The following ZNF148 variants were observed in gnomAD, a reference collection of about 807,000 sequenced individuals.
The protein encoded by ZNF148 is zinc finger protein 148.
ZNF148 carries 7 observed loss-of-function variants against 67.7 expected under a neutral mutation model. The observed-to-expected ratio is 0.10, with a 90% confidence interval of 0.06 to 0.19. ZNF148 has a LOEUF of 0.19. Among genes scored for constraint, ZNF148 ranks in the 10% least tolerant of loss-of-function variants. The pLI is 1.00. For synonymous variants in ZNF148, 333 were observed against 330.7 expected (o/e 1.01, Z -0.08); for missense variants, 583 against 947.1 (o/e 0.62, Z 5.05).
intron 7 of ZNF148, among the ~76,000 whole-genome samples, chr3:125,276,694 A>G (rs1010198875): frequency 3.3e-5 from 5 of 152,238 alleles, no homozygotes; most frequent in South Asian, 2.1e-4. Flanking sequence ...TCAGCCTCCC[A>G]AAGTGCTGAG....
chr3:125,239,882 CCA>C (rs1452751562), intron 7 of ZNF148, among the ~76,000 whole-genome samples: 3 of 152,088 alleles, frequency 2.0e-5, no homozygotes, highest in Non-Finnish European at 4.4e-5. Flanking sequence ...ATAGGCAAAT[CCA>C]CAGTGACAGA....
At chr3:125,337,034 AT>A (rs1339572713) in intron 1 of ZNF148, among the ~76,000 whole-genome samples, 11 of 151,372 alleles carry the variant, frequency 7.3e-5, no homozygotes, top group South Asian at 2.1e-4. Flanking sequence ...AAAAAAAAAA[AT>A]CAAGCCAAAA....
chr3:125,256,316 C>G (rs1393906313), intron 7 of ZNF148, among the ~76,000 whole-genome samples: 1 of 149,178 alleles, frequency 6.7e-6, no homozygotes, highest in Admixed American at 6.7e-5. Context: ...TGCAGTGAGC[C>G]GAGACAGCAC....
chr3:125,234,315 G>A lies in ZNF148; in HGVS notation c.682C>T (p.Arg228Cys). ...EKIHTGEKPFRCDECGMRFIQ... is the reference protein window; with the variant it reads ...EKIHTGEKPFCCDECGMRFIQ... Reference sequence around the variant, plus strand: ...AATCTCATACCACATTCATCACAGCGAAATGGTTTTTCACCTAGCACATAA... The same window carrying A: ...AATCTCATACCACATTCATCACAGCAAAATGGTTTTTCACCTAGCACATAA... The change falls in exon 8 of 9, where the codon CGC becomes TGC. Residue 228 changes from arginine to cysteine, a missense_variant. Arg to Cys is a radical substitution (Grantham distance 180). Around this residue, in one of 5 missense-constraint regions of ZNF148, gnomAD observed 25 missense variants for 142.0 expected, o/e 0.18. Coordinates refer to ENST00000360647, the MANE Select transcript of ZNF148 (RefSeq NM_021964.3). 4 of 1,605,280 alleles carry A rather than the reference G, an allele frequency of 2.5e-6. No individual in the cohort carries two copies. The highest frequency in any genetic ancestry group is 3.4e-6 in the Non-Finnish European group (4 of 1,174,936).
At chr3:125,334,370 A>G (rs1941407398) in intron 1 of ZNF148, among the ~76,000 whole-genome samples, 2 of 152,246 alleles carry the variant, frequency 1.3e-5, no homozygotes, top group African/African-American at 4.8e-5. Context: ...GATGATAAGC[A>G]CATACAGAGT....
chr3:125,256,344 G>A (rs1252192951), intron 7 of ZNF148, among the ~76,000 whole-genome samples: 1 of 148,130 alleles, frequency 6.8e-6, no homozygotes, highest in African/African-American at 2.5e-5. Context: ...GTCTGGCCTG[G>A]GTCAAAGAGC....
chr3:125,331,357 T>C (rs1941283499), intron 1 of ZNF148, 119 bp from the exon 2 acceptor site: 2 of 395,654 alleles, frequency 5.1e-6, no homozygotes, highest in Admixed American at 4.4e-5. Flanking sequence ...ATTCTTTCCA[T>C]GGTAGATACT....
At chr3:125,322,469 C>T (rs1559755739) in intron 3 of ZNF148, among the ~76,000 whole-genome samples, 3 of 145,200 alleles carry the variant, frequency 2.1e-5, no homozygotes, top group Non-Finnish European at 4.5e-5. Context: ...TTCCCAGCCT[C>T]CTTTGCAACT....
At chr3:125,360,395 C>A (rs1487099009) in intron 1 of ZNF148, among the ~76,000 whole-genome samples, 10 of 152,142 alleles carry the variant, frequency 6.6e-5, no homozygotes, top group Non-Finnish European at 1.3e-4. Context: ...AAGTGATTCT[C>A]CCACCTCAGC....
chr3:125,257,571 A>AAG (rs1474139907), intron 7 of ZNF148, among the ~76,000 whole-genome samples: 1 of 151,020 alleles, frequency 6.6e-6, no homozygotes, highest in East Asian at 1.9e-4. Flanking sequence ...AAAAAAAAAA[A>AAG]AAAAAAAAAA....
rs746678399 is a variant in ZNF148 at position 125,228,673 on chromosome 3, C to T, written c.*3668G>A. On this transcript the variant is annotated 3_prime_UTR_variant, in exon 9 of 9. Coordinates refer to ENST00000360647, the MANE Select transcript of ZNF148 (RefSeq NM_021964.3). ...GACAATACAAATTAGCACATTGGTACTCACTTCAAAACAAATGGAATGCAT... is the reference window on the plus strand; with the variant it reads ...GACAATACAAATTAGCACATTGGTATTCACTTCAAAACAAATGGAATGCAT... 1 of 152,490 alleles carries T rather than the reference C, an allele frequency of 6.6e-6. No individual in the cohort carries two copies. The highest frequency in any genetic ancestry group is 1.5e-5 in the Non-Finnish European group (1 of 68,000). 9.4% of individuals were successfully genotyped at this position (152,490 alleles called of 1,614,324 possible). A position where few individuals can be genotyped will look rare whatever the true frequency, so the allele number is the denominator to read the frequency against.
At chr3:125,300,338 A>G (rs1240664147) in intron 4 of ZNF148, among the ~76,000 whole-genome samples, 2 of 152,160 alleles carry the variant, frequency 1.3e-5, no homozygotes, top group African/African-American at 2.4e-5. Context: ...AATCACTTCA[A>G]AAGGTAAGGA....
chr3:125,245,565 C>T (rs1435415967), intron 7 of ZNF148, among the ~76,000 whole-genome samples: 1 of 152,228 alleles, frequency 6.6e-6, no homozygotes, highest in African/African-American at 2.4e-5. Flanking sequence ...ACAAATGGCA[C>T]TCCTCTCCCC....
intron 2 of ZNF148, among the ~76,000 whole-genome samples, chr3:125,324,098 G>C (rs973501067): frequency 6.6e-6 from 1 of 152,036 alleles, no homozygotes; most frequent in African/African-American, 2.4e-5. Context: ...TACTTACAGG[G>C]TGCAGTGCAC....
At chr3:125,260,949 C>G (rs1341293643) in intron 7 of ZNF148, among the ~76,000 whole-genome samples, 1 of 152,124 alleles carries the variant, frequency 6.6e-6, no homozygotes, top group Non-Finnish European at 1.5e-5. Flanking sequence ...TATTGATAAG[C>G]AGAAGTACTA....
Position 125,279,215 on chromosome 3 carries a change from A to G in ZNF148, c.492T>C (p.Gly164=). The change falls in exon 6 of 9, where the codon GGT becomes GGC. Residue 164 remains glycine, a synonymous_variant. Transcript: ENST00000360647. ...AAACGTGAGATTTAGGGGTTTTCAAACCAAGTGATCCATCCTCATTTATTG... is the reference window on the plus strand; with the variant it reads ...AAACGTGAGATTTAGGGGTTTTCAAGCCAAGTGATCCATCCTCATTTATTG... ...ILTINEDGSL[G]LKTPKSHVCE... 4.4e-6 allele frequency: 7 copies of G among 1,602,282 alleles called. No homozygotes were observed. The highest frequency in any genetic ancestry group is 6.0e-6 in the Non-Finnish European group (7 of 1,173,878).
At chr3:125,366,743 G>A (rs1025024267) in intron 1 of ZNF148, among the ~76,000 whole-genome samples, 1 of 151,990 alleles carries the variant, frequency 6.6e-6, no homozygotes, top group South Asian at 2.1e-4. Flanking sequence ...CACATCTCCT[G>A]GGCTTCTCAC....
intron 1 of ZNF148, among the ~76,000 whole-genome samples, chr3:125,343,681 T>C (rs1941826626): frequency 1.3e-5 from 2 of 152,124 alleles, no homozygotes; most frequent in Non-Finnish European, 1.5e-5. Context: ...GAATAAAAGC[T>C]AGCCACGCCA....
chr3:125,349,200 C>A (rs1054087429), intron 1 of ZNF148, among the ~76,000 whole-genome samples: 1 of 152,076 alleles, frequency 6.6e-6, no homozygotes, highest in Non-Finnish European at 1.5e-5. Flanking sequence ...ACCAAAAGCA[C>A]GGGCAACAAG....
Sources: gnomAD v4.1 joint callset for allele counts (sites outside exome capture counted in the v4.1 genomes callset) on GRCh38, gnomAD v4.1.1 for gene constraint, gnomAD v4.1.1 regional missense constraint, MANE v1.5 for transcripts, NCBI Gene and HGNC (gene_info 2026-07-23, HGNC 2026-07-21) for gene names.